The following PPP1R1C variants were observed in gnomAD, a reference collection of about 807,000 sequenced individuals.
PPP1R1C encodes the protein protein phosphatase 1 regulatory inhibitor subunit 1C, also known as protein phosphatase 1 regulatory subunit 1C.
PPP1R1C carries 15 observed loss-of-function variants against 17.4 expected under a neutral mutation model. The ratio of observed to expected loss-of-function variants is 0.86; its 90% CI spans 0.58 to 1.33. The LOEUF (loss-of-function observed/expected upper bound fraction) is 1.33. PPP1R1C is among the 40% of genes most tolerant of loss of function. PPP1R1C has a pLI of 0.00. For synonymous variants in PPP1R1C, 35 were observed against 43.1 expected, an observed-to-expected ratio of 0.81 and a Z score of 0.73; for missense variants, 143 against 130.0, an observed-to-expected ratio of 1.10 and a Z score of -0.48.
intron 2 of PPP1R1C, among the ~76,000 whole-genome samples, chr2:182,023,493 C>CA (rs1419970752): frequency 2.0e-5 from 3 of 151,986 alleles, no homozygotes; most frequent in Non-Finnish European, 2.9e-5. Flanking sequence ...GCCCCACCTC[C>CA]AACAAAAGAA....
chr2:181,972,910 T>G (rs1411431354), intron 1 of PPP1R1C, among the ~76,000 whole-genome samples: 1 of 152,224 alleles, frequency 6.6e-6, no homozygotes, highest in African/African-American at 2.4e-5. Flanking sequence ...TGCTAGAAAT[T>G]TCATGTTCTT....
chr2:182,103,801 C>CT (rs1229332136), intron 4 of PPP1R1C: 1 of 152,230 alleles, frequency 6.6e-6, no homozygotes, highest in Non-Finnish European at 1.5e-5. Context: ...GAGAAACAAA[C>CT]TGAGTGGAGG....
At chr2:182,014,840 T>C (rs1389695076) in intron 2 of PPP1R1C, among the ~76,000 whole-genome samples, 2 of 151,844 alleles carry the variant, frequency 1.3e-5, no homozygotes, top group Non-Finnish European at 2.9e-5. Flanking sequence ...CCCAGGTCCA[T>C]GGTGAGTACT....
intron 2 of PPP1R1C, among the ~76,000 whole-genome samples, chr2:182,040,892 A>T (rs1211164812): frequency 2.0e-5 from 3 of 152,084 alleles, no homozygotes; most frequent in Non-Finnish European, 2.9e-5. Flanking sequence ...TCCTAGCACC[A>T]TTTATTGAAT....
intron 2 of PPP1R1C, among the ~76,000 whole-genome samples, chr2:182,039,145 T>G (rs1687105684): frequency 6.6e-6 from 1 of 152,248 alleles, no homozygotes; most frequent in Non-Finnish European, 1.5e-5. Flanking sequence ...AGTATTGATC[T>G]TCTTTTCTAT....
At position 181,967,379 on chromosome 2, in the gene PPP1R1C, C is replaced by T. The variant is rs944181139; in HGVS notation, n.112-7840C>T. 1.3e-4 allele frequency among the ~76,000 whole-genome samples: 19 copies of T among 151,962 alleles called. No individual in the cohort carries two copies. The highest frequency in any genetic ancestry group is 8.8e-5 in the Non-Finnish European group (6 of 67,996). On this transcript the variant is annotated intron_variant and non_coding_transcript_variant, in intron 1 of 5. Coordinates refer to the PPP1R1C transcript ENST00000464264. The surrounding 1 kb of genome is among the most constrained non-coding windows in gnomAD (Gnocchi z 5.5). ...CTTGATTTTCTACATCTTTAACAGG[C>T]ATTGTAAGGTTGGTCATGTGAAGAT...
At chr2:182,021,680 G>T (rs762826699) in intron 2 of PPP1R1C, among the ~76,000 whole-genome samples, 10 of 152,158 alleles carry the variant, frequency 6.6e-5, no homozygotes, top group Non-Finnish European at 1.2e-4. Context: ...GAAAGAAGAT[G>T]ATGGCAATTT....
intron 4 of PPP1R1C, among the ~76,000 whole-genome samples, chr2:182,111,112 T>C (rs1689404457): frequency 6.6e-6 from 1 of 152,206 alleles, no homozygotes; most frequent in Admixed American, 6.5e-5. Flanking sequence ...ATTGTTTGAA[T>C]TCATATTTCT....
intron 4 of PPP1R1C, among the ~76,000 whole-genome samples, chr2:182,078,616 A>C (rs1003364910): frequency 6.6e-6 from 1 of 152,192 alleles, no homozygotes; most frequent in Non-Finnish European, 1.5e-5. Context: ...TTGGTACGGG[A>C]AAAAATAGCA....
At chr2:182,127,208 T>C (rs935455380) in intron 5 of PPP1R1C, among the ~76,000 whole-genome samples, 1 of 152,052 alleles carries the variant, frequency 6.6e-6, no homozygotes, top group African/African-American at 2.4e-5. Context: ...TGGAGCACAT[T>C]ACCATGACTT....
intron 2 of PPP1R1C, among the ~76,000 whole-genome samples, chr2:181,996,516 G>A (rs898534773): frequency 6.6e-6 from 1 of 152,098 alleles, no homozygotes; most frequent in Non-Finnish European, 1.5e-5. Flanking sequence ...ACTTCATTTA[G>A]AATAATTTGA....
intron 2 of PPP1R1C, among the ~76,000 whole-genome samples, chr2:182,043,522 A>T (rs914756045): frequency 1.4e-4 from 21 of 152,166 alleles, no homozygotes; most frequent in African/African-American, 4.6e-4. Context: ...ATATGCCCAG[A>T]CATGGTATGA....
At chr2:182,094,385 A>G (rs76306281) in intron 4 of PPP1R1C, among the ~76,000 whole-genome samples, 6,966 of 152,332 alleles carry the variant, frequency 0.046, 533 homozygotes, top group African/African-American at 0.16. Context: ...ATACCATATC[A>G]GAGAGATTTC....
chr2:181,970,655 C>T (rs1386126616), intron 1 of PPP1R1C, among the ~76,000 whole-genome samples: 2 of 152,172 alleles, frequency 1.3e-5, no homozygotes, highest in Non-Finnish European at 2.9e-5. Context: ...GCTTTTCCTT[C>T]AGGTGGCAAT....
chr2:181,987,975 C>A, intron 2 of PPP1R1C, 76 bp downstream of exon 2: 1 of 1,263,628 alleles, frequency 7.9e-7, no homozygotes, highest in Non-Finnish European at 1.1e-6. Flanking sequence ...ACATGTCGTA[C>A]TGAAAAGTTT....
At position 181,960,175 on chromosome 2, in the gene PPP1R1C, G is replaced by A. The variant is rs575770057; in HGVS notation, n.111+5541G>A. Among the ~76,000 whole-genome samples, 5 of 152,318 alleles carry A rather than the reference G, an allele frequency of 3.3e-5. No individual in the cohort carries two copies. The East Asian group carries it at 9.6e-4, about 29-fold the overall frequency. On this transcript the variant is annotated intron_variant and non_coding_transcript_variant, in intron 1 of 5. Transcript: ENST00000464264. Reference sequence around the variant, plus strand: ...ATTTGTAGAGTTAGCTACAGAGTAAGTCATTAAGACGTGGTGGTTGAAAGA... The same window carrying A: ...ATTTGTAGAGTTAGCTACAGAGTAAATCATTAAGACGTGGTGGTTGAAAGA...
Position 182,117,355 on chromosome 2 carries a change from A to G in PPP1R1C, c.*60A>G. On this transcript the variant is annotated 3_prime_UTR_variant, in exon 5 of 5. Transcript: ENST00000682840. ...AACTGAACTATTAACTTTTCTGAGT[A>G]TACCATGGAATTCCACTGCTTGACT... 1 of 1,216,724 alleles carries G rather than the reference A, an allele frequency of 8.2e-7. No homozygotes were observed. The highest frequency in any genetic ancestry group is 1.2e-6 in the Non-Finnish European group (1 of 855,490). The allele number at this position is 1,216,724 out of a possible 1,614,324, so 75.4% of individuals were successfully genotyped here.
chr2:182,017,568 G>A (rs1339591196), intron 2 of PPP1R1C, among the ~76,000 whole-genome samples: 1 of 151,900 alleles, frequency 6.6e-6, no homozygotes, highest in Non-Finnish European at 1.5e-5. Flanking sequence ...AGAATATAGG[G>A]GTGAATTGAA....
chr2:182,041,689 C>A (rs1009535028), intron 2 of PPP1R1C, among the ~76,000 whole-genome samples: 6 of 149,346 alleles, frequency 4.0e-5, no homozygotes, highest in Non-Finnish European at 5.9e-5. Context: ...AAAATGCAAT[C>A]AAAAAAGTTT....
Sources: allele counts gnomAD v4.1 joint callset (sites outside exome capture counted in the v4.1 genomes callset), GRCh38; gene constraint gnomAD v4.1.1; non-coding constraint Gnocchi (gnomAD v3.1); transcripts MANE v1.5; gene names NCBI Gene and HGNC (gene_info 2026-07-23, HGNC 2026-07-21).